Variants in LRRC37A2 observed in about 807,000 individuals in gnomAD.
LRRC37A2 encodes the protein leucine rich repeat containing 37 member A2.
In LRRC37A2, 9 loss-of-function variants were observed where a neutral mutation model predicts 68.8. The observed-to-expected ratio is 0.13, with a 90% CI of 0.08 to 0.23. LRRC37A2 has a LOEUF of 0.23. LRRC37A2 is among the 10% of genes least tolerant of loss of function. The pLI, the probability that LRRC37A2 is intolerant of heterozygous loss-of-function variation, is 1.00. For missense variants in LRRC37A2, 168 were observed against 950.4 expected (o/e 0.18, Z 10.82); for synonymous variants, 63 against 367.6 (o/e 0.17, Z 9.48).
chr17:46,708,960 G>T, the LRRC37A2 span, among the ~76,000 whole-genome samples: 1 of 151,240 alleles, frequency 6.6e-6, no homozygotes, highest in Non-Finnish European at 1.5e-5. Flanking sequence ...GAGTAGCTAG[G>T]ACTGCAGGCT....
chr17:46,773,910 C>T, the LRRC37A2 span: 2 of 1,611,322 alleles, frequency 1.2e-6, no homozygotes, highest in Non-Finnish European at 1.7e-6. Flanking sequence ...GGCCAGGGAC[C>T]TGCAGGCAGA....
chr17:46,996,502 C>T, the LRRC37A2 span, among the ~76,000 whole-genome samples: 328 of 152,340 alleles, frequency 2.2e-3, no homozygotes, highest in Non-Finnish European at 3.8e-3. Context: ...GTCCCATCTG[C>T]ACATGGTGAG....
At chr17:46,902,566 A>G in the LRRC37A2 span, among the ~76,000 whole-genome samples, 1,704 of 151,948 alleles carry the variant, frequency 0.011, 40 homozygotes, top group African/African-American at 0.039. Context: ...ACAAACAAGG[A>G]GCAGTTTGTG....
At chr17:46,697,457 G>A in the LRRC37A2 span, among the ~76,000 whole-genome samples, 12 of 148,706 alleles carry the variant, frequency 8.1e-5, 1 homozygote, top group African/African-American at 2.3e-4. Context: ...TGATCCGCCC[G>A]CCTCAGCCTC....
At chr17:46,815,481 G>C in the LRRC37A2 span, among the ~76,000 whole-genome samples, 1 of 152,166 alleles carries the variant, frequency 6.6e-6, no homozygotes. Flanking sequence ...CATGAGCTGG[G>C]TGGGCCAAAG....
the LRRC37A2 span, chr17:46,755,483 C>A: frequency 8.4e-6 from 8 of 949,214 alleles, no homozygotes; most frequent in Non-Finnish European, 1.2e-5. Flanking sequence ...TATTTGAATT[C>A]TTCGCTGTGT....
At chr17:46,535,195 C>A (rs1182674549) in intron 6 of LRRC37A2, among the ~76,000 whole-genome samples, 1 of 149,464 alleles carries the variant, frequency 6.7e-6, no homozygotes, top group African/African-American at 2.6e-5. Context: ...ATGTCCAGCA[C>A]CTGCATTGTT....
At chr17:46,992,723 G>C in the LRRC37A2 span, among the ~76,000 whole-genome samples, 2 of 151,890 alleles carry the variant, frequency 1.3e-5, no homozygotes, top group Non-Finnish European at 2.9e-5. Flanking sequence ...CATTGTGGTG[G>C]GCACCTGTAA....
At chr17:46,530,715 GCAAA>G (rs2053571205) in intron 6 of LRRC37A2, among the ~76,000 whole-genome samples, 1 of 49,406 alleles carries the variant, frequency 2.0e-5, no homozygotes, top group Non-Finnish European at 4.3e-5. Flanking sequence ...AGGTTGTATA[GCAAA>G]CAATCACCAT....
At chr17:46,784,753 C>G in the LRRC37A2 span, among the ~76,000 whole-genome samples, 2 of 151,116 alleles carry the variant, frequency 1.3e-5, no homozygotes, top group Non-Finnish European at 2.9e-5. Context: ...CCTACCTCCT[C>G]TGCGCTTTCC....
chr17:46,501,276 C>T, the LRRC37A2 span, among the ~76,000 whole-genome samples: 2 of 150,980 alleles, frequency 1.3e-5, no homozygotes, highest in Admixed American at 6.6e-5. Context: ...CCCGGGTTCA[C>T]GCGATTCTCC....
At chr17:46,965,489 G>C in the LRRC37A2 span, among the ~76,000 whole-genome samples, 1 of 152,168 alleles carries the variant, frequency 6.6e-6, no homozygotes, top group African/African-American at 2.4e-5. Flanking sequence ...TTTTGTGTTG[G>C]ACCTTGCTTG....
At chr17:46,615,624 G>A in the LRRC37A2 span, among the ~76,000 whole-genome samples, 1 of 21,524 alleles carries the variant, frequency 4.6e-5, no homozygotes, top group East Asian at 1.7e-3. Context: ...GACTGAGGTG[G>A]GAAGATGGCT....
chr17:46,877,150 G>T, the LRRC37A2 span: 1 of 940,030 alleles, frequency 1.1e-6, no homozygotes, highest in Non-Finnish European at 1.3e-6. Flanking sequence ...GTGCCAGCTG[G>T]AAGTGAAGGC....
chr17:46,994,554 T>A, the LRRC37A2 span, among the ~76,000 whole-genome samples: 8 of 152,252 alleles, frequency 5.3e-5, no homozygotes, highest in Admixed American at 4.6e-4. Flanking sequence ...ATCATTGAGC[T>A]GTACATTTAT....
At chr17:46,828,649 G>A in the LRRC37A2 span, among the ~76,000 whole-genome samples, 1 of 152,120 alleles carries the variant, frequency 6.6e-6, no homozygotes, top group East Asian at 1.9e-4. Context: ...TGAGGTTTAA[G>A]ATGCATCCAG....
chr17:46,945,740 C>T, the LRRC37A2 span, among the ~76,000 whole-genome samples: 3 of 152,150 alleles, frequency 2.0e-5, no homozygotes, highest in Admixed American at 2.0e-4. Context: ...GTGCCCCAGG[C>T]ATGTGCAGGG....
At chr17:46,764,208 G>C in the LRRC37A2 span, 1 of 152,610 alleles carries the variant, frequency 6.6e-6, no homozygotes, top group African/African-American at 2.4e-5. Context: ...AATGTCACCA[G>C]AAGCAGCAGT....
At chr17:46,540,437 G>A (rs1207949008) in intron 7 of LRRC37A2, among the ~76,000 whole-genome samples, 190 bp downstream of exon 6, 1 of 144,196 alleles carries the variant, frequency 6.9e-6, no homozygotes. Flanking sequence ...AGCAGGGGAA[G>A]AGAACAGCAT....
Sources: allele counts gnomAD v4.1 joint callset (sites outside exome capture counted in the v4.1 genomes callset), GRCh38; gene constraint gnomAD v4.1.1; transcripts MANE v1.5; gene names NCBI Gene and HGNC (gene_info 2026-07-23, HGNC 2026-07-21).